The following PSMA1 variants were observed in gnomAD, a reference collection of about 807,000 sequenced individuals.
PSMA1 encodes proteasome subunit alpha type-1.
PSMA1 carries 3 observed loss-of-function variants against 38.4 expected under a neutral mutation model. The ratio of observed to expected loss-of-function variants is 0.08; its 90% CI spans 0.04 to 0.20. The LOEUF is 0.20. PSMA1 is among the 10% of genes least tolerant of loss of function. The pLI, the probability that PSMA1 is intolerant of heterozygous loss-of-function variation, is 1.00. For synonymous variants in PSMA1, 101 were observed against 107.1 expected, an observed-to-expected ratio of 0.94 and a Z score of 0.35; for missense variants, 227 against 325.3, an observed-to-expected ratio of 0.70 and a Z score of 2.32.
intron 2 of PSMA1, among the ~76,000 whole-genome samples, chr11:14,560,398 C>A (rs897124735): frequency 2.0e-5 from 3 of 152,142 alleles, no homozygotes; most frequent in Admixed American, 2.0e-4. Flanking sequence ...GTTCTACAAC[C>A]CATTTTAGCT....
intron 2 of PSMA1, among the ~76,000 whole-genome samples, chr11:14,604,028 A>C (rs1354608348): frequency 1.3e-5 from 2 of 152,226 alleles, no homozygotes; most frequent in Non-Finnish European, 2.9e-5. Context: ...ATTCTTAGCA[A>C]ACTCTTCCCA....
At chr11:14,559,609 G>A (rs564432180) in intron 2 of PSMA1, among the ~76,000 whole-genome samples, 1 of 152,120 alleles carries the variant, frequency 6.6e-6, no homozygotes, top group African/African-American at 2.4e-5. Flanking sequence ...GGCTGCTTTT[G>A]GTATTTAGCA....
At position 14,571,107 on chromosome 11, in the gene PSMA1, G is replaced by C. The variant is rs1047576448; in HGVS notation, c.21+39859C>G. Among the ~76,000 whole-genome samples, 56 of 152,130 alleles carry C rather than the reference G, an allele frequency of 3.7e-4. 1 individual carries two copies. Among genetic ancestry groups the C allele is most frequent in the Admixed American group, 6.5e-4 (10 of 15,284 alleles). On this transcript the variant is annotated intron_variant, in intron 2 of 10. Transcript: ENST00000418988. ...AGATGGAGTCTCGCTCTCTCACCCA[G>C]GCAGGAGTGTACTGGCGAGATCGCG...
At chr11:14,527,088 T>C (rs1851594486) in intron 2 of PSMA1, among the ~76,000 whole-genome samples, 1 of 152,180 alleles carries the variant, frequency 6.6e-6, no homozygotes, top group African/African-American at 2.4e-5. Context: ...CCTCCATCAT[T>C]AATGCCTCTT....
At position 14,643,102 on chromosome 11, in the gene PSMA1, A is replaced by T. The variant is rs376169829; in HGVS notation, c.-166+353T>A. 1.8e-3 allele frequency among the ~76,000 whole-genome samples: 268 copies of T among 151,304 alleles called. 9 individuals are homozygous for T. The South Asian group carries it at 0.054, about 30-fold the overall frequency. ...AGATGGTTCTTGAGCAACACTCAAG[A>T]ACGTGCACGTGGAGTGCTACTAGAG... On this transcript the variant is annotated intron_variant, in intron 1 of 10. Coordinates refer to the PSMA1 transcript ENST00000418988.
At chr11:14,595,830 T>C (rs1046682194) in intron 2 of PSMA1, among the ~76,000 whole-genome samples, 1 of 152,238 alleles carries the variant, frequency 6.6e-6, no homozygotes, top group Non-Finnish European at 1.5e-5. Flanking sequence ...GCCTATGTCC[T>C]GAATGGTATT....
At chr11:14,576,926 T>C (rs1177558289) in intron 2 of PSMA1, among the ~76,000 whole-genome samples, 1 of 152,240 alleles carries the variant, frequency 6.6e-6, no homozygotes, top group East Asian at 1.9e-4. Flanking sequence ...GGAATGTTCT[T>C]CCATTTCTTT....
intron 2 of PSMA1, among the ~76,000 whole-genome samples, chr11:14,572,711 T>C (rs943899996): frequency 6.6e-6 from 1 of 151,942 alleles, no homozygotes; most frequent in Non-Finnish European, 1.5e-5. Context: ...CTTCAAAAAA[T>C]CAATGAATCC....
intron 1 of PSMA1, among the ~76,000 whole-genome samples, chr11:14,621,431 ATGTTT>A (rs1266120006): frequency 6.6e-6 from 1 of 151,544 alleles, no homozygotes; most frequent in Non-Finnish European, 1.5e-5. Flanking sequence ...CTAATTTTCA[ATGTTT>A]TGTTTTGTTT....
intron 2 of PSMA1, among the ~76,000 whole-genome samples, chr11:14,539,601 T>A (rs985724431): frequency 6.6e-6 from 1 of 151,462 alleles, no homozygotes; most frequent in Non-Finnish European, 1.5e-5. Flanking sequence ...ATCCCAGCAC[T>A]TTGGGAGGGC....
intron 2 of PSMA1, among the ~76,000 whole-genome samples, chr11:14,531,266 T>C (rs1158479205): frequency 6.6e-6 from 1 of 152,168 alleles, no homozygotes; most frequent in Non-Finnish European, 1.5e-5. Flanking sequence ...TAGTACCCAA[T>C]AGGCCCTTCT....
intron 7 of PSMA1, among the ~76,000 whole-genome samples, chr11:14,512,092 T>C (rs1851353856): frequency 6.6e-6 from 1 of 152,188 alleles, no homozygotes; most frequent in East Asian, 1.9e-4. Context: ...ATTAAATACC[T>C]GGTTGGGTGT....
chr11:14,630,925 T>A (rs563340855), intron 1 of PSMA1, among the ~76,000 whole-genome samples: 19 of 152,346 alleles, frequency 1.2e-4, no homozygotes, highest in African/African-American at 4.3e-4. Flanking sequence ...TTTATCCATT[T>A]CTTCTAGATT....
intron 2 of PSMA1, among the ~76,000 whole-genome samples, chr11:14,587,116 A>G (rs1024846367): frequency 3.9e-5 from 6 of 152,174 alleles, no homozygotes; most frequent in Non-Finnish European, 8.8e-5. Flanking sequence ...TCAGGTAGAA[A>G]GGTAGCTTGC....
chr11:14,568,299 T>C (rs1852097918), intron 2 of PSMA1, among the ~76,000 whole-genome samples: 1 of 152,210 alleles, frequency 6.6e-6, no homozygotes, highest in Non-Finnish European at 1.5e-5. Context: ...GAAAAGCTCC[T>C]TTGCTCAGCT....
At chr11:14,576,052 T>C (rs1452564126) in intron 2 of PSMA1, among the ~76,000 whole-genome samples, 1 of 152,262 alleles carries the variant, frequency 6.6e-6, no homozygotes, top group Non-Finnish European at 1.5e-5. Flanking sequence ...CCTGCATAAA[T>C]GTCTTCTTTT....
intron 4 of PSMA1, among the ~76,000 whole-genome samples, chr11:14,515,411 G>A (rs1290793536): frequency 2.0e-5 from 3 of 151,998 alleles, no homozygotes; most frequent in East Asian, 1.9e-4. Context: ...ATTATGTGTT[G>A]GCATGGCAAT....
intron 1 of PSMA1, among the ~76,000 whole-genome samples, chr11:14,635,622 G>A (rs565939374): frequency 6.6e-6 from 1 of 152,034 alleles, no homozygotes; most frequent in South Asian, 2.1e-4. Context: ...TTCTGGAGCT[G>A]GTAAAAATAT....
intron 1 of PSMA1, among the ~76,000 whole-genome samples, chr11:14,638,017 A>T (rs1853131968): frequency 6.6e-6 from 1 of 152,218 alleles, no homozygotes; most frequent in Non-Finnish European, 1.5e-5. Context: ...TTTACTAAGC[A>T]TCTACTCATT....
Sources: gnomAD v4.1 joint callset for allele counts (sites outside exome capture counted in the v4.1 genomes callset) on GRCh38, gnomAD v4.1.1 for gene constraint, MANE v1.5 for transcripts, NCBI Gene and HGNC (gene_info 2026-07-23, HGNC 2026-07-21) for gene names.